CCDC192: variants seen among roughly 807,000 people sequenced by gnomAD.
CCDC192 encodes the protein coiled-coil domain containing 192, also known as coiled-coil domain-containing protein 192.
chr5:127,910,781 T>C (rs192402136), intron 6 of CCDC192, among the ~76,000 whole-genome samples: 4 of 152,322 alleles, frequency 2.6e-5, no homozygotes, highest in Non-Finnish European at 1.5e-5. Context: ...CTAACAGCAG[T>C]GTCCTGCCAA....
chr5:127,771,397 C>G (rs1755544370), intron 3 of CCDC192, among the ~76,000 whole-genome samples: 1 of 152,018 alleles, frequency 6.6e-6, no homozygotes, highest in Non-Finnish European at 1.5e-5. Context: ...AAAATGACAA[C>G]AGTATGAGGT....
chr5:127,819,070 C>T (rs780818524), intron 5 of CCDC192, among the ~76,000 whole-genome samples: 14 of 152,178 alleles, frequency 9.2e-5, no homozygotes, highest in Non-Finnish European at 1.6e-4. Context: ...TCCTAGCTTT[C>T]ATTATTTGTA....
At position 127,804,585 on chromosome 5, in the gene CCDC192, A is replaced by C. The variant is rs185270113; in HGVS notation, c.411+6423A>C. ...TTAGGAGGTACCCCCAAACCCTCCA[A>C]TAAATTCTCTTTTTCTTTAAGCTAG... On this transcript the variant is annotated intron_variant, in intron 5 of 6. Transcript: ENST00000514853. Among the ~76,000 whole-genome samples the C allele has an allele frequency of 3.3e-5, 5 of 152,308 alleles. No homozygotes were observed. In the East Asian group the frequency reaches 9.7e-4, roughly 29 times the overall value.
chr5:127,905,813 T>G (rs1753177701), intron 6 of CCDC192, among the ~76,000 whole-genome samples: 1 of 152,106 alleles, frequency 6.6e-6, no homozygotes, highest in African/African-American at 2.4e-5. Context: ...AAAGCAGGGA[T>G]TACCCAATTT....
intron 5 of CCDC192, among the ~76,000 whole-genome samples, chr5:127,818,391 C>T (rs776583339): frequency 1.3e-5 from 2 of 151,972 alleles, no homozygotes; most frequent in Non-Finnish European, 2.9e-5. Flanking sequence ...TTTTAAAAAA[C>T]GAATCCTGGG....
intron 6 of CCDC192, among the ~76,000 whole-genome samples, chr5:127,911,193 T>C (rs973019791): frequency 6.6e-6 from 1 of 152,200 alleles, no homozygotes; most frequent in African/African-American, 2.4e-5. Context: ...CAACAAATAT[T>C]TGTGGAACAT....
At chr5:127,880,140 G>T (rs1457196004) in intron 6 of CCDC192, among the ~76,000 whole-genome samples, 4 of 151,256 alleles carry the variant, frequency 2.6e-5, no homozygotes, top group Non-Finnish European at 5.9e-5. Flanking sequence ...CTGCTATAAA[G>T]ACACATGCAC....
chr5:127,743,608 C>T (rs188200879), intron 2 of CCDC192, among the ~76,000 whole-genome samples: 1 of 152,296 alleles, frequency 6.6e-6, no homozygotes, highest in African/African-American at 2.4e-5. Context: ...ACCACCTGCT[C>T]AGCCATATAG....
intron 5 of CCDC192, among the ~76,000 whole-genome samples, chr5:127,842,070 C>T (rs547418757): frequency 9.9e-5 from 15 of 152,280 alleles, no homozygotes; most frequent in Admixed American, 2.0e-4. Context: ...GGAAAATGGG[C>T]GGAGGTGCCA....
intron 2 of CCDC192, among the ~76,000 whole-genome samples, chr5:127,731,629 C>T (rs1490146240): frequency 1.3e-5 from 2 of 152,160 alleles, no homozygotes; most frequent in Non-Finnish European, 2.9e-5. Flanking sequence ...TACAAGGCTA[C>T]AGTAACCAAA....
rs56215241 is a variant in CCDC192 at position 127,893,989 on chromosome 5, T to C, written c.535+18328T>C. Among the ~76,000 whole-genome samples the C allele has an allele frequency of 4.2e-3, 643 of 152,174 alleles. 6 individuals carry two copies. The highest frequency in any genetic ancestry group is 0.015 in the African/African-American group (614 of 41,508). ...AAACCTTTAAAGATGGAATGAATTA[T>C]AGCAAAAAGATAAAGGAAAATTGCT... On this transcript the variant is annotated intron_variant, in intron 6 of 6. Transcript: ENST00000514853.
At chr5:127,726,093 C>T (rs1366978092) in intron 2 of CCDC192, among the ~76,000 whole-genome samples, 1 of 151,808 alleles carries the variant, frequency 6.6e-6, no homozygotes, top group Non-Finnish European at 1.5e-5. Context: ...ACCAAGATCT[C>T]ACAATATGTC....
intron 2 of CCDC192, among the ~76,000 whole-genome samples, chr5:127,732,209 AGAC>A (rs1752680551): frequency 6.6e-6 from 1 of 152,218 alleles, no homozygotes; most frequent in Admixed American, 6.5e-5. Context: ...TCTCAAAAGA[AGAC>A]ATTTATGTGG....
chr5:127,898,293 G>A (rs552335735), intron 6 of CCDC192, among the ~76,000 whole-genome samples: 1 of 152,030 alleles, frequency 6.6e-6, no homozygotes, highest in Admixed American at 6.5e-5. Flanking sequence ...ATTTTTAATA[G>A]AGAGGGAGTT....
chr5:127,766,010 G>A (rs149157737), intron 3 of CCDC192, among the ~76,000 whole-genome samples: 44 of 152,288 alleles, frequency 2.9e-4, no homozygotes, highest in African/African-American at 1.0e-3. Context: ...AGCTTCTTAA[G>A]CCTATTTTCA....
chr5:127,856,477 T>A (rs142315326), intron 5 of CCDC192, among the ~76,000 whole-genome samples: 1 of 152,360 alleles, frequency 6.6e-6, no homozygotes, highest in East Asian at 1.9e-4. Flanking sequence ...ATTCATGTGT[T>A]CACTGGAGTA....
intron 2 of CCDC192, among the ~76,000 whole-genome samples, chr5:127,715,880 CT>C (rs1441914195): frequency 6.6e-6 from 1 of 152,094 alleles, no homozygotes; most frequent in Non-Finnish European, 1.5e-5. Flanking sequence ...TTTGAAGGCC[CT>C]GTATTTCTTT....
rs1754097686 is a variant in CCDC192 at position 127,933,298 on chromosome 5, C to A, written c.536-7884C>A. 2.0e-5 allele frequency among the ~76,000 whole-genome samples: 3 copies of A among 152,088 alleles called. No individual in the cohort carries two copies. In the South Asian group the frequency reaches 6.2e-4, roughly 32 times the overall value. ...AGACCTGACTTATATTTTGATGGGA[C>A]CTCTCTGTGCAGAGTTGAAACCAGC... is the stretch of plus-strand genomic sequence containing the variant. On this transcript the variant is annotated intron_variant, in intron 6 of 6. Coordinates refer to ENST00000514853, the MANE Select transcript of CCDC192 (RefSeq NM_001317938.2).
At chr5:127,717,757 G>A (rs1003028595) in intron 2 of CCDC192, among the ~76,000 whole-genome samples, 3 of 151,816 alleles carry the variant, frequency 2.0e-5, no homozygotes, top group African/African-American at 4.8e-5. Context: ...AATTGTCATT[G>A]TGAGGGCTCT....
Sources: allele counts gnomAD v4.1 joint callset (sites outside exome capture counted in the v4.1 genomes callset), GRCh38; gene constraint gnomAD v4.1.1; transcripts MANE v1.5; gene names NCBI Gene and HGNC (gene_info 2026-07-23, HGNC 2026-07-21).